The following PTPRG variants were observed in gnomAD, a reference collection of about 807,000 sequenced individuals.
The protein encoded by PTPRG is protein tyrosine phosphatase receptor type G.
In PTPRG, 102 loss-of-function variants were observed where a neutral mutation model predicts 165.3. The ratio of observed to expected loss-of-function variants is 0.62; its 90% CI spans 0.53 to 0.73. The LOEUF (loss-of-function observed/expected upper bound fraction) is 0.73, where lower values mean the gene tolerates loss of function less well. Ranked by LOEUF, PTPRG falls within the 30% of genes least tolerant of loss-of-function variation. PTPRG has a pLI of 0.00. For missense variants in PTPRG, 1,866 were observed against 1,861.4 expected, an observed-to-expected ratio of 1.00 and a Z score of -0.05; for synonymous variants, 675 against 669.5, an observed-to-expected ratio of 1.01 and a Z score of -0.13.
chr3:61,639,824 A>T (rs1214289982), intron 1 of PTPRG, among the ~76,000 whole-genome samples: 1 of 145,184 alleles, frequency 6.9e-6, no homozygotes, highest in Non-Finnish European at 1.5e-5. Flanking sequence ...AGGGTTTTCT[A>T]GTTATACAGT....
At chr3:62,170,806 G>A (rs7611830) in intron 8 of PTPRG, among the ~76,000 whole-genome samples, 26,470 of 152,030 alleles carry the variant, frequency 0.17, 3,250 homozygotes, top group East Asian at 0.35. Context: ...AGAGCTACAC[G>A]TACATAAAAG....
At chr3:62,014,231 C>A (rs1035532160) in intron 4 of PTPRG, among the ~76,000 whole-genome samples, 1 of 152,246 alleles carries the variant, frequency 6.6e-6, no homozygotes, top group East Asian at 1.9e-4. Flanking sequence ...CATTGCACCC[C>A]CCCTTTAATG....
chr3:62,257,955 C>A (rs958284639), intron 16 of PTPRG, among the ~76,000 whole-genome samples: 1 of 152,066 alleles, frequency 6.6e-6, no homozygotes, highest in South Asian at 2.1e-4. Flanking sequence ...CAGAGCAAGA[C>A]CCTGTCTCAG....
At chr3:61,621,576 G>A (rs1308403052) in intron 1 of PTPRG, among the ~76,000 whole-genome samples, 1 of 151,966 alleles carries the variant, frequency 6.6e-6, no homozygotes, top group African/African-American at 2.4e-5. Context: ...TTCTCTCTCT[G>A]TCTTCCTTAA....
At chr3:61,980,838 T>C (rs1311850824) in intron 2 of PTPRG, among the ~76,000 whole-genome samples, 1 of 152,190 alleles carries the variant, frequency 6.6e-6, no homozygotes, top group Admixed American at 6.5e-5. Flanking sequence ...GCTGCTTCCC[T>C]CCTGATTGCA....
intron 2 of PTPRG, among the ~76,000 whole-genome samples, chr3:61,793,190 A>G (rs1173303145): frequency 6.6e-6 from 1 of 152,054 alleles, no homozygotes; most frequent in Non-Finnish European, 1.5e-5. Flanking sequence ...TCACAGTTCT[A>G]CTATGGCTGT....
intron 1 of PTPRG, among the ~76,000 whole-genome samples, chr3:61,653,663 G>A (rs972112954): frequency 7.2e-5 from 11 of 152,000 alleles, no homozygotes; most frequent in East Asian, 1.9e-4. Flanking sequence ...AGGATTCGTC[G>A]TGCCCTGCCA....
At chr3:62,092,025 G>T (rs577842859) in intron 5 of PTPRG, among the ~76,000 whole-genome samples, 1 of 148,474 alleles carries the variant, frequency 6.7e-6, no homozygotes, top group African/African-American at 2.5e-5. Flanking sequence ...TGAATTAAAC[G>T]TGGTCCCTAT....
chr3:61,692,869 C>A (rs1434827978), intron 1 of PTPRG, among the ~76,000 whole-genome samples: 8 of 152,110 alleles, frequency 5.3e-5, no homozygotes, highest in Admixed American at 5.2e-4. Context: ...GCTCATAGGC[C>A]TGACAGAAAT....
intron 7 of PTPRG, among the ~76,000 whole-genome samples, chr3:62,164,917 G>A (rs1468302730): frequency 6.6e-6 from 1 of 152,210 alleles, no homozygotes; most frequent in Non-Finnish European, 1.5e-5. Context: ...GCATCTCAGA[G>A]ATTAAACTAT....
intron 5 of PTPRG, chr3:62,124,695 T>C (rs1003795211): frequency 7.9e-6 from 5 of 629,854 alleles, no homozygotes; most frequent in Non-Finnish European, 1.4e-5. Context: ...CTAGCTGCGC[T>C]TGGCACCGGA....
At chr3:62,204,498 G>A (rs1279117914) in intron 12 of PTPRG, among the ~76,000 whole-genome samples, 1 of 152,128 alleles carries the variant, frequency 6.6e-6, no homozygotes, top group Non-Finnish European at 1.5e-5. Context: ...CAAGCTAGAT[G>A]GTTAACTGGC....
chr3:61,768,612 G>C (rs187192340), intron 2 of PTPRG, among the ~76,000 whole-genome samples: 1 of 152,302 alleles, frequency 6.6e-6, no homozygotes, highest in Admixed American at 6.5e-5. Context: ...TGGAAGATTG[G>C]GAAAGGCCAA....
At chr3:62,293,092 G>T in intron 29 of PTPRG, 69 bp from the exon 30 acceptor site, 10 of 1,280,772 alleles carry the variant, frequency 7.8e-6, no homozygotes, top group East Asian at 5.1e-5. Flanking sequence ...CATTTTAATT[G>T]GTATTTCCAC....
intron 13 of PTPRG, among the ~76,000 whole-genome samples, chr3:62,223,862 C>T (rs556210628): frequency 5.9e-4 from 90 of 152,168 alleles, no homozygotes; most frequent in African/African-American, 2.0e-3. Flanking sequence ...TACAGAGTTT[C>T]CAATATGTCC....
chr3:62,004,186 A>G (rs1329670515), intron 4 of PTPRG, among the ~76,000 whole-genome samples: 2 of 151,908 alleles, frequency 1.3e-5, no homozygotes, highest in Non-Finnish European at 2.9e-5. Flanking sequence ...AACCTTATAT[A>G]TTTCCTCTAA....
chr3:61,807,949 C>T (rs931523444), intron 2 of PTPRG, among the ~76,000 whole-genome samples: 33 of 152,170 alleles, frequency 2.2e-4, no homozygotes, highest in African/African-American at 6.3e-4. Context: ...GCTCGCAGAC[C>T]GGGGCATCCA....
chr3:61,738,698 C>A (rs950778178), intron 1 of PTPRG, among the ~76,000 whole-genome samples: 5 of 151,826 alleles, frequency 3.3e-5, no homozygotes, highest in African/African-American at 1.2e-4. Flanking sequence ...TAACATGAAT[C>A]AAGATAATTT....
At chr3:61,638,481 G>C (rs1701976713) in intron 1 of PTPRG, among the ~76,000 whole-genome samples, 1 of 150,748 alleles carries the variant, frequency 6.6e-6, no homozygotes, top group Non-Finnish European at 1.5e-5. Context: ...GTTCTTGCCT[G>C]GCTTGTTGTT....
Sources: allele counts gnomAD v4.1 joint callset (sites outside exome capture counted in the v4.1 genomes callset), GRCh38; gene constraint gnomAD v4.1.1; transcripts MANE v1.5; gene names NCBI Gene and HGNC (gene_info 2026-07-23, HGNC 2026-07-21).